Variants in TTLL11 observed in about 807,000 individuals in gnomAD.
TTLL11 encodes tubulin polyglutamylase TTLL11.
Under a neutral mutation model 51.7 loss-of-function variants are expected in TTLL11, and 42 were observed. That is an observed-to-expected ratio of 0.81 (90% CI 0.64 to 1.05). The LOEUF is 1.05. Among genes scored for constraint, TTLL11 ranks in the 50% least tolerant of loss-of-function variants. The pLI, the probability that TTLL11 is intolerant of heterozygous loss-of-function variation, is 0.00. For missense variants in TTLL11, 799 were observed against 940.4 expected (o/e 0.85, Z 1.97); for synonymous variants, 381 against 383.5 (o/e 0.99, Z 0.08).
intron 1 of TTLL11, among the ~76,000 whole-genome samples, chr9:122,049,126 T>C (rs757969888): frequency 5.3e-5 from 8 of 152,200 alleles, no homozygotes; most frequent in South Asian, 2.1e-4. Flanking sequence ...CCTGCAGTAA[T>C]GTTTCATGAA....
At position 121,952,864 on chromosome 9, in the gene TTLL11, C is replaced by A. The variant is rs112278357; in HGVS notation, c.1481+21145G>T. On this transcript the variant is annotated intron_variant, in intron 6 of 8. Transcript: ENST00000321582. Reference sequence around the variant, plus strand: ...GAAGCTCATTTGCCCACAGACCTGACGCATTCCCCAGCAGCACTTTTTTCA... The same window carrying A: ...GAAGCTCATTTGCCCACAGACCTGAAGCATTCCCCAGCAGCACTTTTTTCA... Among the ~76,000 whole-genome samples, 897 of 152,238 alleles carry A rather than the reference C, an allele frequency of 5.9e-3. 9 individuals carry two copies. The highest frequency in any genetic ancestry group is 0.021 in the African/African-American group (862 of 41,536).
chr9:121,892,189 T>TATATATAC (rs139817730), intron 6 of TTLL11, among the ~76,000 whole-genome samples: 176 of 145,176 alleles, frequency 1.2e-3, no homozygotes, highest in African/African-American at 3.8e-3. Flanking sequence ...TACACACACA[T>TATATATAC]ATATATACAT....
intron 8 of TTLL11, among the ~76,000 whole-genome samples, chr9:121,828,030 T>C (rs975559411): frequency 3.9e-5 from 6 of 152,152 alleles, no homozygotes; most frequent in African/African-American, 1.2e-4. Flanking sequence ...TAACAACATA[T>C]AATGAGAGTC....
At position 121,820,950 on chromosome 9, in the gene TTLL11, GC is replaced by G. The variant is rs569735650; in HGVS notation, c.*1636del. Among the ~76,000 whole-genome samples, 16 of 97,830 alleles carry G rather than the reference GC, an allele frequency of 1.6e-4. No homozygotes were observed. Among genetic ancestry groups the G allele is most frequent in the African/African-American group, 4.9e-4 (13 of 26,584 alleles). 64.2% of individuals were successfully genotyped at this position (97,830 alleles called of 152,430 possible). Reference sequence around the variant, plus strand: ...GCTCTGCTAGCAGCAGGGAAGGGGTGCTGCGCGGCAGCCACACCGTGGGGGA... The same window carrying G: ...GCTCTGCTAGCAGCAGGGAAGGGGTGTGCGCGGCAGCCACACCGTGGGGGA... On this transcript the variant is annotated 3_prime_UTR_variant, in exon 9 of 9. Coordinates refer to ENST00000321582, the MANE Select transcript of TTLL11 (RefSeq NM_001139442.2).
chr9:121,918,021 G>T (rs1010999418), intron 6 of TTLL11, among the ~76,000 whole-genome samples: 1 of 152,064 alleles, frequency 6.6e-6, no homozygotes, highest in African/African-American at 2.4e-5. Context: ...TGGCAGTGCA[G>T]CCCTGTGAGC....
intron 1 of TTLL11, among the ~76,000 whole-genome samples, chr9:122,053,732 C>G (rs1845222558): frequency 6.6e-6 from 1 of 152,120 alleles, no homozygotes; most frequent in South Asian, 2.1e-4. Context: ...AGTCATGGCT[C>G]CGCGTGCAAG....
At chr9:122,045,564 G>C (rs558108581) in intron 1 of TTLL11, among the ~76,000 whole-genome samples, 48 of 152,078 alleles carry the variant, frequency 3.2e-4, no homozygotes, top group Non-Finnish European at 5.3e-4. Context: ...AAAAAGAAAA[G>C]AAATGAAAGC....
At chr9:121,838,953 C>G (rs756210084) in intron 8 of TTLL11, among the ~76,000 whole-genome samples, 1 of 152,244 alleles carries the variant, frequency 6.6e-6, no homozygotes, top group African/African-American at 2.4e-5. Flanking sequence ...CTGTAACCCA[C>G]GCCCCTGCTC....
chr9:122,031,744 C>T lies in TTLL11; in HGVS notation c.672G>A (p.Glu224=). ...CTACCTGAGCAACAAAGAGCTGGAA[C>T]TCGTCAGGCAGAATCCATGAGCGAG... ...FYPRSWILPD[E]FQLFVAQVQM... Residue 224 remains glutamate, a synonymous_variant, in exon 3 of 9, where the codon GAG becomes GAA. Transcript: ENST00000321582. The T allele has an allele frequency of 6.2e-7, 1 of 1,612,838 alleles. No individual in the cohort carries two copies. The highest frequency in any genetic ancestry group is 8.5e-7 in the Non-Finnish European group (1 of 1,179,982).
At chr9:121,854,927 C>CT (rs574198824) in intron 8 of TTLL11, among the ~76,000 whole-genome samples, 1 of 152,004 alleles carries the variant, frequency 6.6e-6, no homozygotes, top group African/African-American at 2.4e-5. Flanking sequence ...AAATTCTTAT[C>CT]TTTTTTTTAA....
intron 8 of TTLL11, among the ~76,000 whole-genome samples, chr9:121,855,049 G>A (rs1837773823): frequency 1.3e-5 from 2 of 152,182 alleles, no homozygotes; most frequent in Non-Finnish European, 2.9e-5. Context: ...GCCCATTTGG[G>A]GAATGATGAA....
chr9:122,012,491 C>T (rs994245278), intron 3 of TTLL11, among the ~76,000 whole-genome samples: 4 of 151,696 alleles, frequency 2.6e-5, no homozygotes, highest in African/African-American at 9.7e-5. Flanking sequence ...GTATTCATCT[C>T]AAAATTCCAC....
chr9:121,989,411 G>A lies in TTLL11; in HGVS notation c.1053C>T (p.Ser351=), dbSNP rs751026714. Residue 351 remains serine, a synonymous_variant, in exon 4 of 9, where the codon AGC becomes AGT. Coordinates refer to ENST00000321582, the MANE Select transcript of TTLL11 (RefSeq NM_001139442.2). This position sits in a 1 kb window ranked among gnomAD's most constrained non-coding sequence, Gnocchi z 4.2. ...HLTNYSLNIH[S]GNFIHSDSAS... is the part of the protein sequence containing the mutation. ...CACTGTCCGAGTGGATGAAGTTGCC[G>A]CTGTGGATGTTCAGTGAATAGTTGG... The A allele has an allele frequency of 1.3e-5, 21 of 1,614,058 alleles. No homozygotes were observed. Among genetic ancestry groups the A allele is most frequent in the East Asian group, 6.7e-5 (3 of 44,886 alleles).
intron 6 of TTLL11, among the ~76,000 whole-genome samples, chr9:121,935,896 CCAGGCCTGGACAGAGCA>C (rs1176458127): frequency 6.6e-6 from 1 of 152,142 alleles, no homozygotes; most frequent in African/African-American, 2.4e-5. Flanking sequence ...CGCCAGCTGC[CCAGGCCTGGACAGAGCA>C]CAGCCCCGAC....
chr9:122,059,298 T>C (rs527488513), intron 1 of TTLL11, among the ~76,000 whole-genome samples: 1 of 152,244 alleles, frequency 6.6e-6, no homozygotes, highest in Admixed American at 6.5e-5. Context: ...ACTATTGCCA[T>C]GTTTGCTGAG....
intron 6 of TTLL11, among the ~76,000 whole-genome samples, chr9:121,895,806 GTGT>G (rs1457456612): frequency 0.042 from 34 of 806 alleles, no homozygotes; most frequent in Admixed American, 0.014. Flanking sequence ...GGATGTGCGG[GTGT>G]TTTGTGTGTT....
At chr9:121,880,068 C>T (rs1181103537) in intron 6 of TTLL11, among the ~76,000 whole-genome samples, 1 of 152,194 alleles carries the variant, frequency 6.6e-6, no homozygotes, top group Non-Finnish European at 1.5e-5. Context: ...ATGAAAAGCT[C>T]AGACTCTTCT....
chr9:121,911,156 G>C (rs1249418818), intron 6 of TTLL11, among the ~76,000 whole-genome samples: 1 of 152,226 alleles, frequency 6.6e-6, no homozygotes, highest in Non-Finnish European at 1.5e-5. Context: ...AGCCCTTTGG[G>C]AGGCTGAGGT....
chr9:121,924,556 C>G (rs73555612), intron 6 of TTLL11, among the ~76,000 whole-genome samples: 7,505 of 152,056 alleles, frequency 0.049, 474 homozygotes, highest in African/African-American at 0.15. Flanking sequence ...CAAGCAAGAT[C>G]GGGGAAGGAG....
Sources: gnomAD v4.1 joint callset for allele counts (sites outside exome capture counted in the v4.1 genomes callset) on GRCh38, gnomAD v4.1.1 for gene constraint, Gnocchi (gnomAD v3.1) non-coding constraint, MANE v1.5 for transcripts, NCBI Gene and HGNC (gene_info 2026-07-23, HGNC 2026-07-21) for gene names.